PCDH11X: variants seen among roughly 807,000 people sequenced by gnomAD.
PCDH11X encodes protocadherin-11 X-linked.
A neutral mutation model predicts 53.3 loss-of-function variants in PCDH11X; 18 were observed. The observed-to-expected ratio is 0.34, with a 90% CI of 0.23 to 0.50. The LOEUF is 0.50. Among genes scored for constraint, PCDH11X ranks in the 20% least tolerant of loss-of-function variants. The pLI, the probability that PCDH11X is intolerant of heterozygous loss-of-function variation, is 0.98. For missense variants in PCDH11X, 570 were observed against 1,032.4 expected, an observed-to-expected ratio of 0.55 and a Z score of 6.14; for synonymous variants, 279 against 393.3, an observed-to-expected ratio of 0.71 and a Z score of 3.44.
intron 9 of PCDH11X, among the ~76,000 whole-genome samples, chrX:92,395,943 CT>C (rs1215394712): frequency 2.6e-4 from 24 of 93,795 alleles, no homozygotes; most frequent in African/African-American, 2.4e-4. Flanking sequence ...TGATGAGGCC[CT>C]TTTTTTTTTT....
At chrX:92,527,939 A>ACTCTTATCTGACATTAAG (rs2074485730) in intron 10 of PCDH11X, among the ~76,000 whole-genome samples, 1 of 111,995 alleles carries the variant, frequency 8.9e-6, no homozygotes, top group Non-Finnish European at 1.9e-5. Flanking sequence ...TACATGAGTG[A>ACTCTTATCTGACATTAAG]ATTAAGTGGA....
At chrX:92,160,280 C>T (rs2065618146) in intron 6 of PCDH11X, among the ~76,000 whole-genome samples, 1 of 109,930 alleles carries the variant, frequency 9.1e-6, no homozygotes, top group Admixed American at 9.8e-5. Flanking sequence ...ATACATTGAA[C>T]CCAATTTGTA....
chrX:92,317,612 T>C (rs1255773194), intron 8 of PCDH11X, among the ~76,000 whole-genome samples: 1 of 111,442 alleles, frequency 9.0e-6, no homozygotes, highest in Non-Finnish European at 1.9e-5. Context: ...ATCTATAGCA[T>C]ATTTTGAACC....
chrX:92,013,009 T>C (rs1453677592), intron 6 of PCDH11X, among the ~76,000 whole-genome samples: 1 of 111,303 alleles, frequency 9.0e-6, no homozygotes, highest in Non-Finnish European at 1.9e-5. Flanking sequence ...CTTTTCAACA[T>C]AGTGTTGGAA....
chrX:92,264,837 C>G (rs969252424), intron 8 of PCDH11X, among the ~76,000 whole-genome samples: 1 of 105,821 alleles, frequency 9.4e-6, no homozygotes, highest in Admixed American at 1.0e-4. Context: ...TGTAAATAAT[C>G]GACATAAGGA....
chrX:92,088,696 T>C (rs1003318547), intron 6 of PCDH11X, among the ~76,000 whole-genome samples: 1 of 111,904 alleles, frequency 8.9e-6, no homozygotes, highest in African/African-American at 3.2e-5. Flanking sequence ...TTTCTTTCTA[T>C]GGAATGAATA....
intron 8 of PCDH11X, among the ~76,000 whole-genome samples, chrX:92,333,479 G>A (rs1221182346): frequency 9.0e-6 from 1 of 111,213 alleles, no homozygotes; most frequent in East Asian, 2.8e-4. Flanking sequence ...AATTGCTTTG[G>A]AAATAATTTT....
At chrX:91,933,505 C>T (rs1212932848) in intron 6 of PCDH11X, among the ~76,000 whole-genome samples, 2 of 111,422 alleles carry the variant, frequency 1.8e-5, no homozygotes, top group Non-Finnish European at 3.8e-5. Flanking sequence ...TAGCACAGTT[C>T]TCTATGCAAA....
At chrX:92,578,560 G>A (rs754850660) in intron 10 of PCDH11X, among the ~76,000 whole-genome samples, 2 of 106,972 alleles carry the variant, frequency 1.9e-5, no homozygotes, top group South Asian at 8.5e-4. Flanking sequence ...TCAGAAACTA[G>A]GATTGCAACC....
intron 10 of PCDH11X, among the ~76,000 whole-genome samples, chrX:92,483,939 C>T (rs1360814494): frequency 2.8e-5 from 3 of 107,713 alleles, no homozygotes; most frequent in African/African-American, 6.8e-5. Flanking sequence ...CCAGCAATCC[C>T]ACTACTGGGT....
intron 6 of PCDH11X, among the ~76,000 whole-genome samples, chrX:91,975,733 G>A (rs1304269890): frequency 2.7e-5 from 3 of 110,948 alleles, no homozygotes; most frequent in South Asian, 3.8e-4. Context: ...GGATCAACTG[G>A]GTTAAATGCT....
chrX:92,593,584 C>T (rs6619081), intron 10 of PCDH11X, among the ~76,000 whole-genome samples: 40,843 of 110,150 alleles, frequency 0.37, 6,538 homozygotes, highest in African/African-American at 0.61. Flanking sequence ...TAAAAAAAAA[C>T]TTTCTTAAAA....
intron 8 of PCDH11X, among the ~76,000 whole-genome samples, chrX:92,351,162 C>G (rs1569471598): frequency 1.8e-5 from 2 of 111,967 alleles, no homozygotes; most frequent in Admixed American, 1.9e-4. Flanking sequence ...TCAGATATAT[C>G]TGTTTCGTTT....
At chrX:92,450,057 T>G (rs1225280099) in intron 9 of PCDH11X, among the ~76,000 whole-genome samples, 4 of 111,329 alleles carry the variant, frequency 3.6e-5, no homozygotes, top group Admixed American at 1.9e-4. Context: ...TAAAGTCAAT[T>G]ACATTGTATC....
chrX:92,177,803 T>A (rs1373933532), intron 6 of PCDH11X, among the ~76,000 whole-genome samples: 2 of 111,082 alleles, frequency 1.8e-5, no homozygotes, highest in African/African-American at 6.5e-5. Flanking sequence ...TATGGATACA[T>A]ATATACTATA....
chrX:92,331,421 T>C (rs1240457603), intron 8 of PCDH11X, among the ~76,000 whole-genome samples: 1 of 103,644 alleles, frequency 9.6e-6, no homozygotes, highest in South Asian at 4.8e-4. Flanking sequence ...CTTCTTTCTT[T>C]GTTTTTAAAT....
In PCDH11X at chrX:92,220,954, A is replaced by C. The variant is rs1478922388; in HGVS notation, c.3114+19499A>C. Among the ~76,000 whole-genome samples the C allele has an allele frequency of 4.8e-5, 5 of 103,421 alleles. No individual in the cohort carries two copies. The East Asian group carries it at 1.5e-3, about 32-fold the overall frequency. 89.8% of individuals were successfully genotyped at this position (103,421 alleles called of 115,157 possible). On this transcript the variant is annotated intron_variant, in intron 7 of 10. Coordinates refer to ENST00000682573, the MANE Select transcript of PCDH11X (RefSeq NM_032968.5). ...CTCAGTAAACTATCACAAGAACAAAAAACCAAACACCCCATGTTCTCACTC... is the reference window on the plus strand; with the variant it reads ...CTCAGTAAACTATCACAAGAACAAACAACCAAACACCCCATGTTCTCACTC...
chrX:92,406,928 TA>T (rs765455608), intron 9 of PCDH11X, among the ~76,000 whole-genome samples: 6,180 of 54,347 alleles, frequency 0.11, 583 homozygotes, highest in East Asian at 0.61. Context: ...TTCCATCTCA[TA>T]AAAAAAAAAA....
Position 91,988,117 on chromosome X carries a change from T to C in PCDH11X, c.3033+108844T>C, listed in dbSNP as rs978690169. Among the ~76,000 whole-genome samples the C allele has an allele frequency of 2.7e-5, 3 of 111,459 alleles. No individual in the cohort carries two copies. The East Asian group carries it at 8.4e-4, about 31-fold the overall frequency. Reference sequence around the variant, plus strand: ...AGAGCTATGTTCTTTTGATGAGCAATACTATAATACATAGCACTATTATTA... The same window carrying C: ...AGAGCTATGTTCTTTTGATGAGCAACACTATAATACATAGCACTATTATTA... On this transcript the variant is annotated intron_variant, in intron 6 of 10. Coordinates refer to ENST00000682573, the MANE Select transcript of PCDH11X (RefSeq NM_032968.5).
Sources: gnomAD v4.1 joint callset for allele counts (sites outside exome capture counted in the v4.1 genomes callset) on GRCh38, gnomAD v4.1.1 for gene constraint, MANE v1.5 for transcripts, NCBI Gene and HGNC (gene_info 2026-07-23, HGNC 2026-07-21) for gene names.